Variants in UGGT1 observed in about 807,000 individuals in gnomAD.
UGGT1 encodes UDP-glucose:glycoprotein glucosyltransferase 1.
Under a neutral mutation model 203.9 loss-of-function variants are expected in UGGT1, and 107 were observed. The ratio of observed to expected loss-of-function variants is 0.52; its 90% CI spans 0.45 to 0.62. The LOEUF (loss-of-function observed/expected upper bound fraction) is 0.62. Ranked by LOEUF, UGGT1 falls within the 20% of genes least tolerant of loss-of-function variation. UGGT1 has a pLI of 0.00. For missense variants in UGGT1, 1,673 were observed against 1,867.2 expected (o/e 0.90, Z 1.92); for synonymous variants, 628 against 653.5 (o/e 0.96, Z 0.59).
chr2:128,133,006 C>T, intron 13 of UGGT1, 135 bp from the exon 14 acceptor site: 1 of 1,144,594 alleles, frequency 8.7e-7, no homozygotes, highest in Non-Finnish European at 1.2e-6. Flanking sequence ...TCACTGCAGC[C>T]AATCTTTTTA....
In UGGT1 at chr2:128,152,799, G is replaced by C; in HGVS notation, c.2032G>C (p.Asp678His). 6.2e-7 allele frequency: 1 copy of C among 1,608,818 alleles called. No individual in the cohort carries two copies. Among genetic ancestry groups the C allele is most frequent in the Non-Finnish European group, 8.5e-7 (1 of 1,178,318 alleles). The change falls in exon 19 of 41, where the codon GAT becomes CAT. Residue 678 changes from aspartate (D) to histidine (H), a missense_variant. By Grantham distance (81) the Asp-to-His change is moderately conservative. Transcript: ENST00000259253. ...TTTCTTGCAGGGTGAACTGCCCCATGATCAAGATGTGGTAGAGTATATCAT... is the reference window on the plus strand; with the variant it reads ...TTTCTTGCAGGGTGAACTGCCCCATCATCAAGATGTGGTAGAGTATATCAT... ...RAVYLGELPH[D>H]QDVVEYIMNQ...
rs764610608 is a variant in UGGT1, at chr2:128,109,636, A to T, written c.411A>T (p.Ile137=). The change falls in exon 5 of 41, where the codon ATA becomes ATT. Residue 137 remains isoleucine (I), a splice_region_variant and synonymous_variant. Transcript: ENST00000259253. ...ATGTGTTGTGTCTTATGTGACAGAT[A>T]GCAGCTGATGAACCTCCACCAGAAG... ...YSATIQAFQQ[I]AADEPPPEGC... is the part of the protein sequence containing the mutation. The T allele has an allele frequency of 6.8e-6, 11 of 1,613,304 alleles. No individual in the cohort carries two copies. The highest frequency in any genetic ancestry group is 1.3e-5 in the African/African-American group (1 of 75,048).
At chr2:128,144,813 C>T (rs1192605342) in intron 17 of UGGT1, among the ~76,000 whole-genome samples, 1 of 152,162 alleles carries the variant, frequency 6.6e-6, no homozygotes, top group Non-Finnish European at 1.5e-5. Flanking sequence ...TTCTTTTCTA[C>T]TGGTGCTATC....
chr2:128,143,968 A>G (rs372496741), intron 17 of UGGT1, among the ~76,000 whole-genome samples: 4 of 152,300 alleles, frequency 2.6e-5, no homozygotes, highest in African/African-American at 9.6e-5. Context: ...CTTTTGTTAT[A>G]GTGAAGCTAT....
At position 128,127,416 on chromosome 2, in the gene UGGT1, G is replaced by C. The variant is rs116770175; in HGVS notation, c.1190G>C (p.Gly397Ala). Residue 397 changes from glycine to alanine, a missense_variant, in exon 12 of 41, where the codon GGA becomes GCA. Transcript: ENST00000259253. ...QPGDSALFIN[G>A]LHMDLDTQDI... Reference sequence around the variant, plus strand: ...GGAGATTCAGCCCTCTTCATCAATGGACTTCACATGGATTTAGATACACAG... The same window carrying C: ...GGAGATTCAGCCCTCTTCATCAATGCACTTCACATGGATTTAGATACACAG... 93 of 1,613,490 alleles carry C rather than the reference G, an allele frequency of 5.8e-5. No homozygotes were observed. Among genetic ancestry groups the C allele is most frequent in the Non-Finnish European group, 7.7e-5 (91 of 1,179,474 alleles).
At chr2:128,186,828 G>T (rs1347573964) in intron 39 of UGGT1, 29 bp downstream of exon 39, 14 of 1,513,910 alleles carry the variant, frequency 9.2e-6, no homozygotes, top group Non-Finnish European at 1.2e-5. Flanking sequence ...GCTTCTGCAT[G>T]TTCATCCACT....
intron 3 of UGGT1, among the ~76,000 whole-genome samples, chr2:128,104,869 A>G (rs1687530770): frequency 6.6e-6 from 1 of 151,958 alleles, no homozygotes; most frequent in African/African-American, 2.4e-5. Context: ...CTGGTCTCGA[A>G]CTTTTGACCT....
intron 14 of UGGT1, among the ~76,000 whole-genome samples, chr2:128,133,832 C>A (rs1688996732): frequency 6.6e-6 from 1 of 152,002 alleles, no homozygotes; most frequent in African/African-American, 2.4e-5. Context: ...TGGTTGTTTG[C>A]CAACTCCTAC....
In UGGT1 at chr2:128,176,833, C is replaced by A. The variant is rs1051587138; in HGVS notation, c.3559C>A (p.Pro1187Thr). The A allele has an allele frequency of 5.0e-6, 8 of 1,613,914 alleles. No homozygotes were observed. Among genetic ancestry groups the A allele is most frequent in the Non-Finnish European group, 5.9e-6 (7 of 1,179,896 alleles). The change falls in exon 32 of 41, where the codon CCC becomes ACC. Residue 1187 changes from proline to threonine, a missense_variant. Transcript: ENST00000259253. ...RIYSHDGTDS[P>T]PDADEVVIVL... ...GCAAAGCCACGATGGCACTGATTCT[C>A]CCCCTGATGCTGATGAGGTGGTTAT...
intron 26 of UGGT1, among the ~76,000 whole-genome samples, chr2:128,166,593 G>A (rs1690800881): frequency 6.6e-6 from 1 of 152,140 alleles, no homozygotes. Context: ...CTTTAATCTG[G>A]AAGAGTTCTT....
chr2:128,140,582 C>T (rs952244426), intron 16 of UGGT1: 3 of 152,194 alleles, frequency 2.0e-5, no homozygotes, highest in African/African-American at 7.2e-5. Context: ...AGCCAGGCTC[C>T]ATGTCTCTTG....
At position 128,176,910 on chromosome 2, in the gene UGGT1, A is replaced by G. The variant is rs759324989; in HGVS notation, c.3624+12A>G. 3.7e-6 allele frequency: 6 copies of G among 1,611,040 alleles called. No individual in the cohort carries two copies. In the African/African-American group the frequency reaches 5.3e-5, roughly 14 times the overall value. On this transcript the variant is annotated intron_variant, in intron 32 of 40. Coordinates refer to ENST00000259253, the MANE Select transcript of UGGT1 (RefSeq NM_020120.4). ...TTATTAAAGTGAAGGTGAGTTTGGT[A>G]AAAGTAGTGGCATTCTGTTATTGGA...
At chr2:128,155,679 GAA>G in intron 20 of UGGT1, 92 bp downstream of exon 20, 1 of 923,916 alleles carries the variant, frequency 1.1e-6, no homozygotes, top group Non-Finnish European at 1.6e-6. Context: ...AGAGAAAAGG[GAA>G]AGAGACTTCA....
At chr2:128,146,696 C>T (rs1310725463) in intron 18 of UGGT1, among the ~76,000 whole-genome samples, 2 of 152,132 alleles carry the variant, frequency 1.3e-5, no homozygotes, top group Admixed American at 1.3e-4. Flanking sequence ...AGAACATTAT[C>T]ATCACCCCCA....
intron 38 of UGGT1, 49 bp from the exon 39 acceptor site, chr2:128,186,634 A>C: frequency 6.9e-7 from 1 of 1,449,656 alleles, no homozygotes; most frequent in Non-Finnish European, 9.6e-7. Context: ...AAATATCGCC[A>C]GAACTTTAGA....
intron 5 of UGGT1, among the ~76,000 whole-genome samples, chr2:128,110,006 T>G (rs1395053069): frequency 6.6e-6 from 1 of 152,242 alleles, no homozygotes. Context: ...TGTTACTGTT[T>G]AGTAATGACT....
rs901377020 is a variant in UGGT1 at position 128,191,057 on chromosome 2, C to G, written c.*1315C>G. The G allele has an allele frequency of 3.3e-5, 5 of 152,304 alleles. No individual in the cohort carries two copies. Among genetic ancestry groups the G allele is most frequent in the Non-Finnish European group, 2.9e-5 (2 of 68,092 alleles). 9.4% of individuals were successfully genotyped at this position (152,304 alleles called of 1,614,324 possible). A position where few individuals can be genotyped will look rare whatever the true frequency, so the allele number is the denominator to read the frequency against. Reference sequence around the variant, plus strand: ...CTAAGTGGGCATGAGGCCCCAGCATCCGACTCCATCTGCCAGGCTGCAGGG... The same window carrying G: ...CTAAGTGGGCATGAGGCCCCAGCATGCGACTCCATCTGCCAGGCTGCAGGG... On this transcript the variant is annotated 3_prime_UTR_variant, in exon 41 of 41. Transcript: ENST00000259253.
rs750140391 is a variant in UGGT1 at position 128,123,225 on chromosome 2, C to T, written c.1113C>T (p.Thr371=). Residue 371 remains threonine (T), a synonymous_variant, in exon 11 of 41, where the codon ACC becomes ACT. Transcript: ENST00000259253. The part of the protein sequence containing the change: ...TKTAVSSELR[T]EVEENQKYFK... Reference sequence around the variant, plus strand: ...CAGCTGTGAGCTCAGAACTTAGAACCGAAGTGGAAGAGAATCAGAAGGTAT... The same window carrying T: ...CAGCTGTGAGCTCAGAACTTAGAACTGAAGTGGAAGAGAATCAGAAGGTAT... 1.9e-5 allele frequency: 31 copies of T among 1,613,040 alleles called. No homozygotes were observed. The Admixed American group carries it at 3.0e-4, about 16-fold the overall frequency.
intron 34 of UGGT1, among the ~76,000 whole-genome samples, chr2:128,179,460 G>A (rs1242185594): frequency 1.3e-5 from 2 of 152,140 alleles, no homozygotes; most frequent in African/African-American, 4.8e-5. Context: ...CAGTTACCCC[G>A]ATTTCCAGGG....
Sources: gnomAD v4.1 joint callset for allele counts (sites outside exome capture counted in the v4.1 genomes callset) on GRCh38, gnomAD v4.1.1 for gene constraint, MANE v1.5 for transcripts, NCBI Gene and HGNC (gene_info 2026-07-23, HGNC 2026-07-21) for gene names.